C11orf65: variants seen among roughly 807,000 people sequenced by gnomAD.
The protein encoded by C11orf65 is protein MFI.
C11orf65 carries 38 observed loss-of-function variants against 35.3 expected under a neutral mutation model. The observed-to-expected ratio is 1.08, with a 90% CI of 0.83 to 1.41. The LOEUF (loss-of-function observed/expected upper bound fraction) is 1.41, where lower values mean the gene tolerates loss of function less well. Among genes scored for constraint, C11orf65 ranks in the 40% most tolerant of loss-of-function variants. C11orf65 has a pLI of 0.00. For missense variants in C11orf65, 370 were observed against 367.1 expected (o/e 1.01, Z -0.06); for synonymous variants, 105 against 114.4 (o/e 0.92, Z 0.53).
chr11:108,454,302 C>CTT (rs35688885), intron 2 of C11orf65, among the ~76,000 whole-genome samples: 40 of 137,998 alleles, frequency 2.9e-4, no homozygotes, highest in Non-Finnish European at 4.7e-4. Flanking sequence ...TTTGAGTCTT[C>CTT]TTTTTTTTTT....
At chr11:108,450,379 GC>G (rs1433517025) in intron 2 of C11orf65, among the ~76,000 whole-genome samples, 1 of 151,764 alleles carries the variant, frequency 6.6e-6, no homozygotes. Context: ...TAACCCAAAT[GC>G]CTAACAACGA....
chr11:108,431,112 A>C (rs1366315832), intron 3 of C11orf65, among the ~76,000 whole-genome samples: 1 of 152,182 alleles, frequency 6.6e-6, no homozygotes. Context: ...ATCTGGCATT[A>C]TCTCCCAGAG....
At chr11:108,469,288 A>C (rs1346203251), upstream of C11orf65, among the ~76,000 whole-genome samples, 1 of 151,934 alleles carries the variant, frequency 6.6e-6, no homozygotes. Context: ...TGTACAATTG[A>C]AACTAGTTAG....
chr11:108,357,273 G>A (rs931771255), intron 2 of C11orf65, among the ~76,000 whole-genome samples: 4 of 152,186 alleles, frequency 2.6e-5, no homozygotes, highest in Non-Finnish European at 5.9e-5. Flanking sequence ...ATTATATCCC[G>A]CAGCTGGCTT....
chr11:108,361,806 A>G (rs2090798553), intron 2 of C11orf65, among the ~76,000 whole-genome samples: 2 of 152,178 alleles, frequency 1.3e-5, no homozygotes, highest in Admixed American at 6.5e-5. Flanking sequence ...CTCAAGATGG[A>G]TTAAAGACTT....
At position 108,340,689 on chromosome 11, in the gene C11orf65, C is replaced by CT. The variant is rs1270606756; in HGVS notation, c.227-5398dup. 2.6e-5 allele frequency among the ~76,000 whole-genome samples: 4 copies of CT among 152,148 alleles called. No individual in the cohort carries two copies. In the South Asian group the frequency reaches 6.2e-4, roughly 24 times the overall value. On this transcript the variant is annotated intron_variant, in intron 2 of 3. Coordinates refer to the C11orf65 transcript ENST00000524755. Reference sequence around the variant, plus strand: ...GTTAGAGTGATCCTTTTAAAATTGTCTAAGACAGAGTACTCTTATTCGGTA... The same window carrying CT: ...GTTAGAGTGATCCTTTTAAAATTGTCTTAAGACAGAGTACTCTTATTCGGTA...
At chr11:108,350,867 A>AC (rs144680227) in intron 2 of C11orf65, among the ~76,000 whole-genome samples, 3,668 of 152,258 alleles carry the variant, frequency 0.024, 110 homozygotes, top group African/African-American at 0.077. Context: ...ACCCCTTTGG[A>AC]ATATTGTTTG....
intron 6 of C11orf65, among the ~76,000 whole-genome samples, chr11:108,394,259 C>T (rs2092252294): frequency 6.6e-6 from 1 of 151,482 alleles, no homozygotes; most frequent in African/African-American, 2.4e-5. Context: ...AAACTGAGAC[C>T]TGGAGAAGTT....
intron 2 of C11orf65, among the ~76,000 whole-genome samples, chr11:108,450,926 A>T (rs1182326789): frequency 1.3e-5 from 2 of 151,982 alleles, no homozygotes; most frequent in Admixed American, 1.3e-4. Flanking sequence ...ATCTCAATAG[A>T]TGCAGAAACG....
chr11:108,312,313 C>G (rs1565493191), intron 6 of C11orf65: 12 of 880,730 alleles, frequency 1.4e-5, no homozygotes, highest in Non-Finnish European at 1.7e-5. Flanking sequence ...TTGTTTGCCA[C>G]CTTCATTAGT....
intron 6 of C11orf65, among the ~76,000 whole-genome samples, chr11:108,399,036 A>G (rs1174767483): frequency 6.6e-6 from 1 of 152,166 alleles, no homozygotes; most frequent in Non-Finnish European, 1.5e-5. Context: ...GACTGTAGCC[A>G]GAACAACTTT....
intron 2 of C11orf65, among the ~76,000 whole-genome samples, chr11:108,457,922 C>A (rs2093427126): frequency 6.6e-6 from 1 of 152,036 alleles, no homozygotes. Context: ...GATGCTGTGT[C>A]TAGAATCAAG....
intron 3 of C11orf65, among the ~76,000 whole-genome samples, chr11:108,422,403 T>A (rs952894631): frequency 6.6e-6 from 1 of 152,208 alleles, no homozygotes; most frequent in African/African-American, 2.4e-5. Context: ...CTCTACCATT[T>A]AATAGGACTG....
In C11orf65 at chr11:108,406,862, C is replaced by A. The variant is rs963242248; in HGVS notation, c.330G>T (p.Lys110Asn). Residue 110 changes from lysine to asparagine, a missense_variant, in exon 5 of 9, where the codon AAG (lysine) becomes AAT (asparagine). Physicochemically the swap from Lys to Asn is moderately conservative, Grantham distance 94. Transcript: ENST00000393084. ...GATCATTTTTATTATGAGATGTATG[C>A]TTTGCTGGAAGTTTTGCATAATTTC... Reference protein sequence around the residue: ...SPRNYAKLPAKHTSHNKNDHL... With the variant: ...SPRNYAKLPANHTSHNKNDHL... The A allele has an allele frequency of 6.2e-7, 1 of 1,612,720 alleles. No individual in the cohort carries two copies. Among genetic ancestry groups the A allele is most frequent in the Non-Finnish European group, 8.5e-7 (1 of 1,179,002 alleles).
chr11:108,358,888 T>C (rs1207168613), intron 2 of C11orf65, among the ~76,000 whole-genome samples: 3 of 151,014 alleles, frequency 2.0e-5, no homozygotes, highest in Admixed American at 1.3e-4. Context: ...CTGCATCAAC[T>C]AACGAACAAA....
intron 2 of C11orf65, among the ~76,000 whole-genome samples, chr11:108,360,066 A>T (rs1253634573): frequency 6.6e-6 from 1 of 151,680 alleles, no homozygotes; most frequent in African/African-American, 2.4e-5. Context: ...TAATAAAGAA[A>T]AAAGAGAGAA....
intron 2 of C11orf65, among the ~76,000 whole-genome samples, chr11:108,360,623 G>T (rs1250611604): frequency 1.3e-5 from 2 of 149,742 alleles, no homozygotes; most frequent in African/African-American, 5.0e-5. Flanking sequence ...TCATCCCTGG[G>T]ATTCAAGGCT....
upstream of C11orf65, among the ~76,000 whole-genome samples, chr11:108,469,489 T>C (rs61913892): frequency 0.56 from 84,340 of 150,426 alleles, 23,982 homozygotes; most frequent in Middle Eastern, 0.75. Flanking sequence ...GCGGTTTTTG[T>C]CATTAAACAT....
downstream of C11orf65, among the ~76,000 whole-genome samples, chr11:108,328,215 G>C (rs1394196222): frequency 6.6e-6 from 1 of 152,116 alleles, no homozygotes; most frequent in Non-Finnish European, 1.5e-5. Context: ...CTAAATAAGT[G>C]TAACATGAAA....
Sources: gnomAD v4.1 joint callset for allele counts (sites outside exome capture counted in the v4.1 genomes callset) on GRCh38, gnomAD v4.1.1 for gene constraint, MANE v1.5 for transcripts, NCBI Gene and HGNC (gene_info 2026-07-23, HGNC 2026-07-21) for gene names.